C8orf34: variants seen among roughly 807,000 people sequenced by gnomAD.
The protein encoded by C8orf34 is uncharacterized protein C8orf34.
In C8orf34, 65 loss-of-function variants were observed where a neutral mutation model predicts 68.3. The observed-to-expected ratio is 0.95, with a 90% CI of 0.78 to 1.17. The LOEUF (loss-of-function observed/expected upper bound fraction) is 1.17. Among genes scored for constraint, C8orf34 ranks in the 50% most tolerant of loss-of-function variants. C8orf34 has a pLI of 0.00. For synonymous variants in C8orf34, 244 were observed against 241.2 expected, an observed-to-expected ratio of 1.01 and a Z score of -0.11; for missense variants, 664 against 655.4, an observed-to-expected ratio of 1.01 and a Z score of -0.14.
intron 13 of C8orf34, 31 bp downstream of exon 13, chr8:68,815,976 G>A: frequency 2.5e-6 from 4 of 1,613,508 alleles, no homozygotes; most frequent in Admixed American, 1.7e-5. Context: ...TAATATCGAT[G>A]TCGGGTAATG....
At chr8:68,522,038 A>G (rs1814780089) in intron 6 of C8orf34, 67 bp downstream of exon 6, 1 of 1,399,044 alleles carries the variant, frequency 7.1e-7, no homozygotes, top group Non-Finnish European at 9.8e-7. Context: ...AAATAAACCC[A>G]AGTTCATGGT....
intron 1 of C8orf34, among the ~76,000 whole-genome samples, chr8:68,407,037 A>T (rs555833284): frequency 3.3e-5 from 5 of 152,284 alleles, no homozygotes; most frequent in African/African-American, 1.2e-4. Flanking sequence ...GATCTGCCTC[A>T]GCTTTGCAAC....
intron 7 of C8orf34, among the ~76,000 whole-genome samples, chr8:68,589,520 GGA>G (rs375775817): frequency 1.1e-4 from 3 of 27,720 alleles, no homozygotes; most frequent in East Asian, 1.0e-3. Flanking sequence ...AGAGAGAAAG[GGA>G]GAGAGAGAAA....
intron 8 of C8orf34, among the ~76,000 whole-genome samples, chr8:68,708,724 CT>C (rs1341408159): frequency 6.6e-5 from 10 of 152,134 alleles, no homozygotes; most frequent in African/African-American, 2.4e-4. Context: ...GCTTCTAAAC[CT>C]TTCTACGGTC....
chr8:68,481,488 C>T (rs1414268723), intron 4 of C8orf34, among the ~76,000 whole-genome samples: 1 of 152,228 alleles, frequency 6.6e-6, no homozygotes, highest in African/African-American at 2.4e-5. Context: ...CCACCAACAG[C>T]TTGCACTGTG....
chr8:68,607,572 G>C (rs1212891731), intron 7 of C8orf34, among the ~76,000 whole-genome samples: 1 of 152,162 alleles, frequency 6.6e-6, no homozygotes, highest in South Asian at 2.1e-4. Context: ...ACATTCTAAG[G>C]TACTGGGAGT....
intron 3 of C8orf34, among the ~76,000 whole-genome samples, chr8:68,459,218 T>A (rs1215951410): frequency 6.6e-6 from 1 of 152,064 alleles, no homozygotes; most frequent in East Asian, 1.9e-4. Context: ...CTCAGGGAAC[T>A]CTTTCATTTT....
At chr8:68,620,829 C>A (rs1253325507) in intron 7 of C8orf34, among the ~76,000 whole-genome samples, 2 of 151,126 alleles carry the variant, frequency 1.3e-5, no homozygotes, top group African/African-American at 4.9e-5. Flanking sequence ...GGTTTGAGAG[C>A]AAGGTCAGAT....
intron 7 of C8orf34, among the ~76,000 whole-genome samples, chr8:68,616,659 T>G (rs909043508): frequency 7.2e-5 from 11 of 152,170 alleles, no homozygotes; most frequent in African/African-American, 1.9e-4. Context: ...GAGAGACAGT[T>G]TGTTATAATT....
At chr8:68,715,190 A>G (rs1336202771) in intron 9 of C8orf34, among the ~76,000 whole-genome samples, 1 of 152,150 alleles carries the variant, frequency 6.6e-6, no homozygotes, top group Non-Finnish European at 1.5e-5. Context: ...ATAATGTCAG[A>G]AAAACCCTTC....
chr8:68,390,374 G>T (rs529400443), intron 1 of C8orf34, among the ~76,000 whole-genome samples: 2 of 152,260 alleles, frequency 1.3e-5, no homozygotes, highest in African/African-American at 2.4e-5. Flanking sequence ...GAACAAAAGG[G>T]TAGTGGCCAC....
chr8:68,711,462 T>C (rs1229457197), intron 9 of C8orf34, among the ~76,000 whole-genome samples: 1 of 151,926 alleles, frequency 6.6e-6, no homozygotes, highest in Non-Finnish European at 1.5e-5. Context: ...ATAGGTAGCA[T>C]AAATAAAAAA....
intron 8 of C8orf34, among the ~76,000 whole-genome samples, chr8:68,690,991 T>C (rs1820670492): frequency 6.6e-6 from 1 of 152,084 alleles, no homozygotes; most frequent in African/African-American, 2.4e-5. Flanking sequence ...ATGGAAGTTT[T>C]AACTCCTGCT....
chr8:68,489,340 A>G (rs544797407), intron 5 of C8orf34, among the ~76,000 whole-genome samples: 1 of 152,318 alleles, frequency 6.6e-6, no homozygotes, highest in African/African-American at 2.4e-5. Flanking sequence ...AGATAGATAC[A>G]TAAAAAATGA....
intron 10 of C8orf34, among the ~76,000 whole-genome samples, chr8:68,730,858 A>T (rs1050499590): frequency 9.2e-5 from 14 of 152,088 alleles, no homozygotes; most frequent in African/African-American, 3.4e-4. Flanking sequence ...ACAGCATGAG[A>T]TCCCAGTCAT....
intron 3 of C8orf34, among the ~76,000 whole-genome samples, chr8:68,450,461 A>G (rs2129627405): frequency 6.6e-6 from 1 of 152,272 alleles, no homozygotes; most frequent in African/African-American, 2.4e-5. Context: ...CGTCAGAGGA[A>G]TCAATATCTA....
intron 1 of C8orf34, among the ~76,000 whole-genome samples, chr8:68,364,929 A>G (rs1478019004): frequency 6.6e-6 from 1 of 151,938 alleles, no homozygotes; most frequent in East Asian, 1.9e-4. Flanking sequence ...GACACAAAAA[A>G]CCCTTCAAAA....
At chr8:68,429,318 G>A (rs1185475509) in intron 1 of C8orf34, among the ~76,000 whole-genome samples, 1 of 152,130 alleles carries the variant, frequency 6.6e-6, no homozygotes, top group African/African-American at 2.4e-5. Context: ...AATTCCATTG[G>A]TAATCATGGA....
chr8:68,516,322 C>T (rs143470788), intron 5 of C8orf34, among the ~76,000 whole-genome samples: 1 of 152,228 alleles, frequency 6.6e-6, no homozygotes, highest in Non-Finnish European at 1.5e-5. Context: ...TTCATGAAAT[C>T]AGAATTATGC....
Sources: gnomAD v4.1 joint callset for allele counts (sites outside exome capture counted in the v4.1 genomes callset) on GRCh38, gnomAD v4.1.1 for gene constraint, MANE v1.5 for transcripts, NCBI Gene and HGNC (gene_info 2026-07-23, HGNC 2026-07-21) for gene names.